Variants in TCF4 observed in about 807,000 individuals in gnomAD.
TCF4 encodes the protein SL3-3 enhancer factor 2.
A neutral mutation model predicts 82.1 loss-of-function variants in TCF4; 3 were observed. The ratio of observed to expected loss-of-function variants is 0.04; its 90% CI spans 0.02 to 0.09. The LOEUF (loss-of-function observed/expected upper bound fraction) is 0.09. Among genes scored for constraint, TCF4 ranks in the 10% least tolerant of loss-of-function variants. The pLI is 1.00. For missense variants in TCF4, 518 were observed against 852.7 expected, an observed-to-expected ratio of 0.61 and a Z score of 4.89; for synonymous variants, 276 against 309.6, an observed-to-expected ratio of 0.89 and a Z score of 1.14.
intron 8 of TCF4, among the ~76,000 whole-genome samples, chr18:55,325,958 T>C (rs975581005): frequency 6.6e-6 from 1 of 152,190 alleles, no homozygotes; most frequent in Non-Finnish European, 1.5e-5. Flanking sequence ...CACAGTACAG[T>C]GACACACAAT....
At chr18:55,529,109 T>G (rs2097027708) in intron 3 of TCF4, among the ~76,000 whole-genome samples, 1 of 151,848 alleles carries the variant, frequency 6.6e-6, no homozygotes, top group South Asian at 2.1e-4. Flanking sequence ...ACCCAGGAGG[T>G]GGAGGTTGCA....
At position 55,466,521 on chromosome 18, in the gene TCF4, G is replaced by A. The variant is rs548406448; in HGVS notation, c.146-2384C>T. Among the ~76,000 whole-genome samples the A allele has an allele frequency of 2.0e-5, 3 of 152,158 alleles. No homozygotes were observed. In the East Asian group the frequency reaches 5.8e-4, roughly 29 times the overall value. On this transcript the variant is annotated intron_variant, in intron 3 of 19. Transcript: ENST00000354452. The stretch of plus-strand genomic sequence containing the variant: ...CTAAAAATATATATATATATTTTTG[G>A]TGTTCTGACCCCAAATAAAAATTGT...
intron 8 of TCF4, among the ~76,000 whole-genome samples, chr18:55,280,844 T>C (rs2062456285): frequency 6.6e-6 from 1 of 152,094 alleles, no homozygotes; most frequent in Non-Finnish European, 1.5e-5. Context: ...CAGAACACCA[T>C]GAATCATAAA....
At chr18:55,567,657 G>A (rs1379708005) in intron 3 of TCF4, among the ~76,000 whole-genome samples, 1 of 151,894 alleles carries the variant, frequency 6.6e-6, no homozygotes, top group East Asian at 1.9e-4. Flanking sequence ...AGGTTGCAGT[G>A]AGCCGAGATC....
At chr18:55,330,884 T>C (rs1419468221) in intron 8 of TCF4, among the ~76,000 whole-genome samples, 1 of 152,206 alleles carries the variant, frequency 6.6e-6, no homozygotes, top group Non-Finnish European at 1.5e-5. Flanking sequence ...CTTTGTAACT[T>C]ACCTGCATAA....
At chr18:55,300,411 G>A (rs1250669367) in intron 8 of TCF4, among the ~76,000 whole-genome samples, 1 of 122,416 alleles carries the variant, frequency 8.2e-6, no homozygotes. Flanking sequence ...GGAATGCAAA[G>A]TGGCAGGGAG....
chr18:55,621,632 T>TTATGTACATTATATA (rs2097719574), intron 2 of TCF4, among the ~76,000 whole-genome samples: 20 of 81,132 alleles, frequency 2.5e-4, no homozygotes, highest in Non-Finnish European at 3.0e-4. Flanking sequence ...ATATAATATA[T>TTATGTACATTATATA]ATATTATATA....
chr18:55,494,308 A>G (rs1175965580), intron 3 of TCF4, among the ~76,000 whole-genome samples: 2 of 151,752 alleles, frequency 1.3e-5, no homozygotes, highest in South Asian at 2.1e-4. Flanking sequence ...AAAAAAAAAA[A>G]GAAATGAAAA....
chr18:55,455,680 T>C (rs192601516), intron 5 of TCF4, among the ~76,000 whole-genome samples: 10 of 152,360 alleles, frequency 6.6e-5, no homozygotes, highest in Admixed American at 2.0e-4. Flanking sequence ...TCCGTTCTTA[T>C]GAAGTTACTA....
intron 6 of TCF4, among the ~76,000 whole-genome samples, chr18:55,389,333 T>C (rs2092880688): frequency 6.6e-6 from 1 of 152,160 alleles, no homozygotes; most frequent in Non-Finnish European, 1.5e-5. Flanking sequence ...ACACTGCAGA[T>C]AGAGACGGCA....
At position 55,362,339 on chromosome 18, in the gene TCF4, G is replaced by GAGGAAGGAAGGAAGGAAGGA. The variant is rs765447444; in HGVS notation, c.370-11356_370-11337dup. Among the ~76,000 whole-genome samples, 97 of 68,562 alleles carry GAGGAAGGAAGGAAGGAAGGA rather than the reference G, an allele frequency of 1.4e-3. 2 individuals carry two copies. Among genetic ancestry groups the GAGGAAGGAAGGAAGGAAGGA allele is most frequent in the Non-Finnish European group, 1.8e-3 (69 of 38,120 alleles). 45.0% of individuals were successfully genotyped at this position (68,562 alleles called of 152,430 possible). On this transcript the variant is annotated intron_variant, in intron 6 of 19. Transcript: ENST00000354452. ...TCCAAAAACAAAAACAAAAAAAAAA[G>GAGGAAGGAAGGAAGGAAGGA]AGGAAGGAAGGAAGGAAGGAAGGAA...
chr18:55,582,530 G>C (rs984820733), intron 3 of TCF4, among the ~76,000 whole-genome samples: 1 of 152,078 alleles, frequency 6.6e-6, no homozygotes, highest in Non-Finnish European at 1.5e-5. Flanking sequence ...GGAATGTCAG[G>C]CTGTAGCTCA....
At chr18:55,425,628 C>T (rs1280580333) in intron 5 of TCF4, among the ~76,000 whole-genome samples, 1 of 151,992 alleles carries the variant, frequency 6.6e-6, no homozygotes, top group African/African-American at 2.4e-5. Flanking sequence ...TACACATTTG[C>T]ATTAATAAAT....
intron 4 of TCF4, among the ~76,000 whole-genome samples, chr18:55,461,982 G>GA (rs892088360): frequency 6.6e-6 from 1 of 151,926 alleles, no homozygotes; most frequent in African/African-American, 2.4e-5. Context: ...AAAAAGGGGG[G>GA]AAAAAGTCAT....
chr18:55,589,800 G>C, upstream of TCF4: 1 of 1,009,394 alleles, frequency 9.9e-7, no homozygotes, highest in Non-Finnish European at 1.2e-6. Context: ...GGAACTGCGG[G>C]CTTATAAAGA....
At chr18:55,362,793 T>C (rs1804350134) in intron 6 of TCF4, among the ~76,000 whole-genome samples, 1 of 152,240 alleles carries the variant, frequency 6.6e-6, no homozygotes, top group Admixed American at 6.5e-5. Flanking sequence ...AATATTCTTA[T>C]TATGTTTTCT....
At chr18:55,621,390 GGT>G (rs2097717901) in intron 2 of TCF4, among the ~76,000 whole-genome samples, 1 of 114,678 alleles carries the variant, frequency 8.7e-6, no homozygotes, top group Non-Finnish European at 1.7e-5. Context: ...GGTACTGCCT[GGT>G]ATATGGGGTA....
chr18:55,475,795 C>T (rs1448133661), intron 3 of TCF4, among the ~76,000 whole-genome samples: 1 of 152,076 alleles, frequency 6.6e-6, no homozygotes, highest in African/African-American at 2.4e-5. Context: ...ATTCTTCAAT[C>T]GTTGATCATC....
At chr18:55,507,826 A>C (rs2096779927) in intron 3 of TCF4, among the ~76,000 whole-genome samples, 1 of 152,128 alleles carries the variant, frequency 6.6e-6, no homozygotes, top group Non-Finnish European at 1.5e-5. Context: ...ATTGGGTTCA[A>C]GTGTTGGTGC....
Sources: allele counts gnomAD v4.1 joint callset (sites outside exome capture counted in the v4.1 genomes callset), GRCh38; gene constraint gnomAD v4.1.1; transcripts MANE v1.5; gene names NCBI Gene and HGNC (gene_info 2026-07-23, HGNC 2026-07-21).